The following GALNT13 variants were observed in gnomAD, a reference collection of about 807,000 sequenced individuals.
GALNT13 encodes UDP-GalNAc:polypeptide N-acetylgalactosaminyltransferase 13.
A neutral mutation model predicts 64.2 loss-of-function variants in GALNT13; 28 were observed. The ratio of observed to expected loss-of-function variants is 0.44; its 90% CI spans 0.32 to 0.60. The LOEUF is 0.60. Ranked by LOEUF, GALNT13 falls within the 20% of genes least tolerant of loss-of-function variation. The probability of loss-of-function intolerance (pLI) is 0.05; values close to 1 mark genes in which losing one functional copy is unlikely to be tolerated. For missense variants in GALNT13, 577 were observed against 669.8 expected (o/e 0.86, Z 1.53); for synonymous variants, 214 against 224.6 (o/e 0.95, Z 0.42).
At chr2:153,933,797 T>C (rs1690704153) in intron 2 of GALNT13, among the ~76,000 whole-genome samples, 1 of 152,206 alleles carries the variant, frequency 6.6e-6, no homozygotes, top group Non-Finnish European at 1.5e-5. Flanking sequence ...GGGTCTGTGA[T>C]AACAAATTCC....
At chr2:153,757,152 G>C in the GALNT13 span, among the ~76,000 whole-genome samples, 1 of 152,044 alleles carries the variant, frequency 6.6e-6, no homozygotes, top group South Asian at 2.1e-4. Context: ...ATGAAACACT[G>C]TACTCTTTTA....
At chr2:153,872,835 C>T (rs1315787688) in intron 1 of GALNT13, among the ~76,000 whole-genome samples, 3 of 152,128 alleles carry the variant, frequency 2.0e-5, no homozygotes, top group Admixed American at 6.5e-5. Flanking sequence ...CCCTTTGCCT[C>T]GCTTTTTCAG....
At chr2:154,111,744 G>T (rs1702998392) in intron 3 of GALNT13, among the ~76,000 whole-genome samples, 1 of 152,170 alleles carries the variant, frequency 6.6e-6, no homozygotes, top group Admixed American at 6.5e-5. Context: ...CGCTGATTCA[G>T]AGTATACACA....
the GALNT13 span, among the ~76,000 whole-genome samples, chr2:153,772,393 G>A: frequency 6.6e-6 from 1 of 152,256 alleles, no homozygotes; most frequent in African/African-American, 2.4e-5. Context: ...GGCCTGGGTT[G>A]CATGGAACCC....
the GALNT13 span, among the ~76,000 whole-genome samples, chr2:153,180,199 C>T: frequency 2.6e-5 from 4 of 151,988 alleles, no homozygotes; most frequent in African/African-American, 9.7e-5. Context: ...TAGGTACATT[C>T]CTTCTATACC....
the GALNT13 span, among the ~76,000 whole-genome samples, chr2:153,786,358 C>A: frequency 3.0e-3 from 450 of 152,256 alleles, no homozygotes; most frequent in Non-Finnish European, 5.4e-3. Flanking sequence ...AGGAGTCCAG[C>A]CCCTCTTCGC....
intron 9 of GALNT13, among the ~76,000 whole-genome samples, chr2:154,303,473 C>A (rs1236799602): frequency 6.6e-6 from 1 of 152,056 alleles, no homozygotes; most frequent in African/African-American, 2.4e-5. Context: ...CTGTTTGGAA[C>A]ATGATTGGCC....
the GALNT13 span, among the ~76,000 whole-genome samples, chr2:153,180,857 C>T: frequency 6.6e-6 from 1 of 151,450 alleles, no homozygotes; most frequent in African/African-American, 2.4e-5. Flanking sequence ...GCTTATGATC[C>T]TAGGTATTTC....
chr2:153,455,386 C>T, the GALNT13 span, among the ~76,000 whole-genome samples: 1 of 152,212 alleles, frequency 6.6e-6, no homozygotes, highest in Non-Finnish European at 1.5e-5. Flanking sequence ...CTCGTTTACT[C>T]AGCTCACGGA....
At chr2:153,223,074 C>T in the GALNT13 span, among the ~76,000 whole-genome samples, 1 of 152,220 alleles carries the variant, frequency 6.6e-6, no homozygotes, top group South Asian at 2.1e-4. Flanking sequence ...GATGGGCCGC[C>T]GCTGCCGTCA....
At chr2:153,456,399 A>G in the GALNT13 span, among the ~76,000 whole-genome samples, 1 of 152,178 alleles carries the variant, frequency 6.6e-6, no homozygotes, top group Non-Finnish European at 1.5e-5. Context: ...TCTATCCTCC[A>G]AAGAAAAAAC....
At chr2:153,831,033 T>A in the GALNT13 span, among the ~76,000 whole-genome samples, 4 of 152,202 alleles carry the variant, frequency 2.6e-5, no homozygotes, top group Non-Finnish European at 5.9e-5. Flanking sequence ...GGTTGAAAAT[T>A]ATTTTACAAT....
intron 4 of GALNT13, among the ~76,000 whole-genome samples, chr2:154,144,175 C>G (rs1424817831): frequency 6.6e-6 from 1 of 152,036 alleles, no homozygotes; most frequent in Non-Finnish European, 1.5e-5. Flanking sequence ...GTAATACCAT[C>G]CAAAATTCCT....
the GALNT13 span, among the ~76,000 whole-genome samples, chr2:153,115,942 G>C: frequency 5.3e-5 from 8 of 152,072 alleles, no homozygotes; most frequent in Non-Finnish European, 1.0e-4. Context: ...TTTCCAAGGA[G>C]TATTTTATTT....
At chr2:153,391,560 T>A in the GALNT13 span, among the ~76,000 whole-genome samples, 1 of 152,148 alleles carries the variant, frequency 6.6e-6, no homozygotes, top group African/African-American at 2.4e-5. Context: ...CTCTAATTTA[T>A]CATTTTGGAT....
At chr2:153,630,717 G>T in the GALNT13 span, among the ~76,000 whole-genome samples, 1 of 111,068 alleles carries the variant, frequency 9.0e-6, no homozygotes, top group East Asian at 2.9e-4. Flanking sequence ...ATGGATTAAA[G>T]AATTAAATGT....
the GALNT13 span, chr2:153,477,941 C>T: frequency 1.4e-5 from 6 of 430,700 alleles, no homozygotes; most frequent in Non-Finnish European, 2.5e-5. Context: ...GCCTTCGCAC[C>T]GTCGGTCTCC....
chr2:153,971,259 T>C (rs1693719188), intron 3 of GALNT13, among the ~76,000 whole-genome samples: 1 of 152,114 alleles, frequency 6.6e-6, no homozygotes, highest in Admixed American at 6.6e-5. Flanking sequence ...AGGTAAATTG[T>C]TCCCCATCTC....
intron 3 of GALNT13, among the ~76,000 whole-genome samples, chr2:154,028,036 CAGTT>C (rs549752891): frequency 5.2e-4 from 79 of 152,158 alleles, no homozygotes; most frequent in South Asian, 1.5e-3. Context: ...GATGTGCACA[CAGTT>C]AGAGCTGCGA....
Sources: gnomAD v4.1 joint callset for allele counts (sites outside exome capture counted in the v4.1 genomes callset) on GRCh38, gnomAD v4.1.1 for gene constraint, MANE v1.5 for transcripts, NCBI Gene and HGNC (gene_info 2026-07-23, HGNC 2026-07-21) for gene names.